NXNL2: variants seen among roughly 807,000 people sequenced by gnomAD.
NXNL2 encodes the protein nucleoredoxin like 2, also known as nucleoredoxin-like protein 2.
A neutral mutation model predicts 11.1 loss-of-function variants in NXNL2; 7 were observed. The ratio of observed to expected loss-of-function variants is 0.63; its 90% CI spans 0.36 to 1.18. The LOEUF is 1.18. NXNL2 is among the 50% of genes most tolerant of loss of function. The pLI, the probability that NXNL2 is intolerant of heterozygous loss-of-function variation, is 0.02. For missense variants in NXNL2, 233 were observed against 217.7 expected, an observed-to-expected ratio of 1.07 and a Z score of -0.44; for synonymous variants, 109 against 101.8, an observed-to-expected ratio of 1.07 and a Z score of -0.42.
intron 1 of NXNL2, among the ~76,000 whole-genome samples, chr9:88,565,617 A>G (rs1664039670): frequency 6.6e-6 from 1 of 152,168 alleles, no homozygotes; most frequent in South Asian, 2.1e-4. Flanking sequence ...GGCTCACTGC[A>G]GCCTCTGCCT....
intron 1 of NXNL2, among the ~76,000 whole-genome samples, chr9:88,560,213 T>C (rs1298062095): frequency 6.6e-6 from 1 of 152,062 alleles, no homozygotes; most frequent in African/African-American, 2.4e-5. Flanking sequence ...CCTGGACCTC[T>C]GGATGTGGAT....
intron 1 of NXNL2, among the ~76,000 whole-genome samples, chr9:88,541,271 T>A (rs1829754744): frequency 6.8e-6 from 1 of 147,396 alleles, no homozygotes; most frequent in African/African-American, 2.5e-5. Flanking sequence ...CAGTAGACAT[T>A]TTTTTTAGAG....
intron 1 of NXNL2, among the ~76,000 whole-genome samples, chr9:88,570,145 G>A (rs59663294): frequency 6.6e-6 from 1 of 151,770 alleles, no homozygotes; most frequent in East Asian, 1.9e-4. Context: ...TTGAGACAGA[G>A]TCTGGCTCTG....
intron 1 of NXNL2, 143 bp downstream of exon 1, chr9:88,535,879 T>A: frequency 1.5e-6 from 1 of 663,644 alleles, no homozygotes; most frequent in Non-Finnish European, 2.5e-6. Context: ...CGGACTCCGG[T>A]AAATCACACT....
At chr9:88,573,364 G>A (rs1310586567) in intron 2 of NXNL2, among the ~76,000 whole-genome samples, 2 of 152,064 alleles carry the variant, frequency 1.3e-5, no homozygotes, top group East Asian at 1.9e-4. Context: ...GGTTGGTTTC[G>A]AACTCCTGGG....
intron 1 of NXNL2, among the ~76,000 whole-genome samples, chr9:88,536,043 G>T (rs759337055): frequency 6.2e-4 from 95 of 152,326 alleles, no homozygotes; most frequent in Admixed American, 2.7e-3. Context: ...TTGCGAAGGA[G>T]CTCCCAGTGG....
At chr9:88,581,372 C>T (rs147077431) in intron 1 of NXNL2, among the ~76,000 whole-genome samples, 1 of 152,126 alleles carries the variant, frequency 6.6e-6, no homozygotes, top group African/African-American at 2.4e-5. Flanking sequence ...AAAGGCAATG[C>T]TACCACTTTT....
At chr9:88,537,575 G>GGGA (rs1829654387) in intron 1 of NXNL2, among the ~76,000 whole-genome samples, 1 of 152,220 alleles carries the variant, frequency 6.6e-6, no homozygotes, top group African/African-American at 2.4e-5. Context: ...GTGTAAGCTA[G>GGGA]GTAGTGGGAT....
intron 1 of NXNL2, among the ~76,000 whole-genome samples, chr9:88,561,368 T>G (rs11142342): frequency 0.06 from 8,561 of 142,252 alleles, 743 homozygotes; most frequent in African/African-American, 0.24. Flanking sequence ...TGTGATTGTG[T>G]AATCTTGTGA....
chr9:88,562,859 G>A (rs1005360634), intron 1 of NXNL2, among the ~76,000 whole-genome samples: 1 of 152,054 alleles, frequency 6.6e-6, no homozygotes, highest in Non-Finnish European at 1.5e-5. Context: ...GGAGGCCAAG[G>A]CAGGTGGATC....
intron 1 of NXNL2, among the ~76,000 whole-genome samples, chr9:88,564,286 T>C (rs770436603): frequency 0.062 from 1,243 of 20,168 alleles, 26 homozygotes; most frequent in African/African-American, 0.22. Context: ...ATCTATCTAT[T>C]ATCTATCTAT....
chr9:88,548,371 A>G, downstream of NXNL2, among the ~76,000 whole-genome samples: 1 of 123,318 alleles, frequency 8.1e-6, no homozygotes, highest in Non-Finnish European at 1.6e-5. Context: ...AAAAAAAAAA[A>G]AAAAAAAAAA....
At chr9:88,550,441 T>G (rs1421873240) in intron 1 of NXNL2, among the ~76,000 whole-genome samples, 1 of 152,184 alleles carries the variant, frequency 6.6e-6, no homozygotes, top group East Asian at 1.9e-4. Flanking sequence ...AGCTCAGGCT[T>G]AAGACACAAA....
At chr9:88,545,008 C>A, downstream of NXNL2, 1 of 490,186 alleles carries the variant, frequency 2.0e-6, no homozygotes, top group Non-Finnish European at 2.6e-6. Context: ...TCATTCCATT[C>A]CAGGTGCCAG....
intron 1 of NXNL2, among the ~76,000 whole-genome samples, chr9:88,582,626 TCCTC>T (rs1830421540): frequency 6.6e-6 from 1 of 151,364 alleles, no homozygotes; most frequent in Admixed American, 6.6e-5. Context: ...CTTCCTTCCT[TCCTC>T]CCTCCTCCCC....
chr9:88,557,507 T>C (rs953867218), intron 1 of NXNL2, among the ~76,000 whole-genome samples: 6 of 152,240 alleles, frequency 3.9e-5, no homozygotes, highest in African/African-American at 1.2e-4. Flanking sequence ...CAAACAACTT[T>C]TGCTGTCAGA....
chr9:88,578,101 G>T (rs1194193565), downstream of NXNL2, among the ~76,000 whole-genome samples: 1 of 152,242 alleles, frequency 6.6e-6, no homozygotes, highest in African/African-American at 2.4e-5. Context: ...TTAAGAGTGG[G>T]GTGGTAGAGG....
downstream of NXNL2, among the ~76,000 whole-genome samples, chr9:88,576,684 G>T (rs1009101353): frequency 6.6e-6 from 1 of 152,168 alleles, no homozygotes; most frequent in African/African-American, 2.4e-5. Context: ...TCTTGGCTGG[G>T]ACTGCTCCCT....
At chr9:88,566,890 G>A (rs905851393) in intron 1 of NXNL2, among the ~76,000 whole-genome samples, 1 of 151,418 alleles carries the variant, frequency 6.6e-6, no homozygotes, top group Non-Finnish European at 1.5e-5. Flanking sequence ...TTTCTATCTA[G>A]CCTATTATCT....
Sources: gnomAD v4.1 joint callset for allele counts (sites outside exome capture counted in the v4.1 genomes callset) on GRCh38, gnomAD v4.1.1 for gene constraint, MANE v1.5 for transcripts, NCBI Gene and HGNC (gene_info 2026-07-23, HGNC 2026-07-21) for gene names.